The following UVRAG variants were observed in gnomAD, a reference collection of about 807,000 sequenced individuals.
The protein encoded by UVRAG is UV radiation resistance associated, also known as UV radiation resistance-associated gene protein.
A neutral mutation model predicts 78.0 loss-of-function variants in UVRAG; 19 were observed. The ratio of observed to expected loss-of-function variants is 0.24; its 90% confidence interval spans 0.17 to 0.36. The LOEUF (loss-of-function observed/expected upper bound fraction) is 0.36, where lower values mean the gene tolerates loss of function less well. Ranked by LOEUF, UVRAG falls within the 10% of genes least tolerant of loss-of-function variation. The pLI, the probability that UVRAG is intolerant of heterozygous loss-of-function variation, is 1.00. For synonymous variants in UVRAG, 323 were observed against 324.6 expected (o/e 1.00, Z 0.05); for missense variants, 740 against 853.8 (o/e 0.87, Z 1.66).
intron 12 of UVRAG, among the ~76,000 whole-genome samples, chr11:76,049,162 G>C (rs1443552847): frequency 6.6e-6 from 1 of 152,198 alleles, no homozygotes; most frequent in Non-Finnish European, 1.5e-5. Context: ...TGTCTCTTGA[G>C]TGTTCTTCCA....
chr11:76,135,434 T>C (rs985477791), intron 14 of UVRAG, among the ~76,000 whole-genome samples: 2 of 152,204 alleles, frequency 1.3e-5, no homozygotes, highest in South Asian at 2.1e-4. Flanking sequence ...CTCCTTGACA[T>C]CTAAACTCCA....
intron 12 of UVRAG, among the ~76,000 whole-genome samples, chr11:76,025,174 T>G (rs868620062): frequency 1.3e-5 from 2 of 152,174 alleles, no homozygotes; most frequent in Non-Finnish European, 1.5e-5. Flanking sequence ...TTTGCTGCGT[T>G]TCACTGTGAG....
chr11:76,121,996 C>T (rs1005343844), intron 14 of UVRAG, among the ~76,000 whole-genome samples: 2 of 152,154 alleles, frequency 1.3e-5, no homozygotes, highest in African/African-American at 4.8e-5. Flanking sequence ...CCTGGCATTA[C>T]AGAAGCCAGG....
chr11:76,091,445 C>T (rs999699994), intron 13 of UVRAG, among the ~76,000 whole-genome samples: 2 of 152,156 alleles, frequency 1.3e-5, no homozygotes, highest in African/African-American at 4.8e-5. Context: ...TGAATTACTT[C>T]ATTAATGGTT....
At chr11:75,995,137 T>C (rs961125569) in intron 8 of UVRAG, among the ~76,000 whole-genome samples, 5 of 152,052 alleles carry the variant, frequency 3.3e-5, no homozygotes, top group African/African-American at 1.2e-4. Context: ...GTTATTATTA[T>C]AAGTTTAATG....
chr11:75,861,504 A>G (rs984951006), intron 2 of UVRAG, among the ~76,000 whole-genome samples: 2 of 152,238 alleles, frequency 1.3e-5, no homozygotes, highest in African/African-American at 2.4e-5. Context: ...CAGTAAGGTA[A>G]TAATCACTAA....
intron 12 of UVRAG, among the ~76,000 whole-genome samples, chr11:76,051,609 G>A (rs948248445): frequency 1.3e-5 from 2 of 151,982 alleles, no homozygotes; most frequent in African/African-American, 2.4e-5. Context: ...AAAATTACCT[G>A]GAATTCAATT....
intron 4 of UVRAG, among the ~76,000 whole-genome samples, chr11:75,882,029 A>G (rs750846925): frequency 3.9e-5 from 6 of 152,026 alleles, no homozygotes; most frequent in Non-Finnish European, 8.8e-5. Context: ...CCCCCACCCC[A>G]CCTTGGAATG....
intron 13 of UVRAG, among the ~76,000 whole-genome samples, chr11:76,074,618 T>C (rs1232701526): frequency 1.3e-5 from 2 of 152,232 alleles, no homozygotes; most frequent in Non-Finnish European, 2.9e-5. Context: ...AGTCTGTCTT[T>C]AGAGATAAGA....
At chr11:76,069,241 A>C (rs1322691121) in intron 13 of UVRAG, among the ~76,000 whole-genome samples, 1 of 152,232 alleles carries the variant, frequency 6.6e-6, no homozygotes, top group Non-Finnish European at 1.5e-5. Context: ...TTGTTTGAAG[A>C]GCTGAGAGCA....
intron 13 of UVRAG, among the ~76,000 whole-genome samples, chr11:76,072,320 C>G (rs923857368): frequency 6.6e-6 from 1 of 152,150 alleles, no homozygotes; most frequent in African/African-American, 2.4e-5. Context: ...GGGTTTGTAA[C>G]TGGAGATGAC....
intron 13 of UVRAG, among the ~76,000 whole-genome samples, chr11:76,098,662 A>G (rs923205091): frequency 6.6e-6 from 1 of 152,216 alleles, no homozygotes; most frequent in Non-Finnish European, 1.5e-5. Flanking sequence ...GTTTTGTATC[A>G]TAATGTGCTC....
At chr11:76,052,321 C>T (rs1027002350) in intron 12 of UVRAG, among the ~76,000 whole-genome samples, 1 of 152,216 alleles carries the variant, frequency 6.6e-6, no homozygotes, top group Admixed American at 6.5e-5. Flanking sequence ...GCCCTTGTCT[C>T]ACCTGCTGTC....
intron 6 of UVRAG, among the ~76,000 whole-genome samples, chr11:75,941,133 A>T (rs1157979850): frequency 6.6e-6 from 1 of 152,184 alleles, no homozygotes; most frequent in Non-Finnish European, 1.5e-5. Context: ...AGATTTTCTC[A>T]GTGAAGGAAG....
At chr11:76,028,968 A>G (rs1950383405) in intron 12 of UVRAG, among the ~76,000 whole-genome samples, 1 of 152,178 alleles carries the variant, frequency 6.6e-6, no homozygotes. Context: ...ATAGCTGGAA[A>G]GGAGAAGTCA....
intron 6 of UVRAG, among the ~76,000 whole-genome samples, chr11:75,950,623 A>T (rs1948673563): frequency 1.3e-5 from 2 of 152,162 alleles, no homozygotes; most frequent in Admixed American, 1.3e-4. Flanking sequence ...AGGTATTGCC[A>T]CACAGGTTTC....
chr11:75,906,314 A>G (rs888241525), intron 5 of UVRAG, among the ~76,000 whole-genome samples: 11 of 151,814 alleles, frequency 7.2e-5, no homozygotes, highest in Admixed American at 6.6e-4. Flanking sequence ...TAATAGTTCT[A>G]TAGGTTTTTT....
intron 2 of UVRAG, among the ~76,000 whole-genome samples, chr11:75,857,079 C>G (rs1489508733): frequency 1.3e-5 from 2 of 152,192 alleles, no homozygotes; most frequent in African/African-American, 4.8e-5. Flanking sequence ...ATCTTCAAAC[C>G]ACAGTCATCT....
At chr11:75,938,748 C>A (rs781128494) in intron 6 of UVRAG, among the ~76,000 whole-genome samples, 1 of 152,160 alleles carries the variant, frequency 6.6e-6, no homozygotes, top group Non-Finnish European at 1.5e-5. Context: ...GGCCTTGGAT[C>A]ATTTCCTCAG....
Sources: allele counts gnomAD v4.1 joint callset (sites outside exome capture counted in the v4.1 genomes callset), GRCh38; gene constraint gnomAD v4.1.1; transcripts MANE v1.5; gene names NCBI Gene and HGNC (gene_info 2026-07-23, HGNC 2026-07-21).